The following KCNIP1 variants were observed in gnomAD, a reference collection of about 807,000 sequenced individuals.
The protein encoded by KCNIP1 is potassium voltage-gated channel interacting protein 1.
In KCNIP1, 18 loss-of-function variants were observed where a neutral mutation model predicts 33.0. The ratio of observed to expected loss-of-function variants is 0.55; its 90% CI spans 0.38 to 0.81. The LOEUF is 0.81. KCNIP1 is among the 30% of genes least tolerant of loss of function. The probability of loss-of-function intolerance (pLI) is 0.00; values close to 1 mark genes in which losing one functional copy is unlikely to be tolerated. For missense variants in KCNIP1, 238 were observed against 271.6 expected (o/e 0.88, Z 0.87); for synonymous variants, 93 against 98.3 (o/e 0.95, Z 0.32).
At chr5:170,553,848 G>A (rs549168902) in intron 1 of KCNIP1, among the ~76,000 whole-genome samples, 39 of 152,340 alleles carry the variant, frequency 2.6e-4, no homozygotes, top group African/African-American at 8.2e-4. Flanking sequence ...TTGAGTGAAC[G>A]GATGGATAGA....
intron 1 of KCNIP1, among the ~76,000 whole-genome samples, chr5:170,411,810 T>G (rs1386592887): frequency 6.6e-6 from 1 of 151,986 alleles, no homozygotes; most frequent in African/African-American, 2.4e-5. Flanking sequence ...TAAGTAACAG[T>G]GTCAATAAAC....
intron 1 of KCNIP1, among the ~76,000 whole-genome samples, chr5:170,687,305 T>C (rs1973529): frequency 0.67 from 102,132 of 151,568 alleles, 35,288 homozygotes; most frequent in East Asian, 0.94. Context: ...CCTCAGCCTC[T>C]TGAGTAGCTG....
intron 1 of KCNIP1, among the ~76,000 whole-genome samples, chr5:170,584,590 A>G (rs972274413): frequency 6.6e-6 from 1 of 152,146 alleles, no homozygotes; most frequent in Non-Finnish European, 1.5e-5. Flanking sequence ...ACCAGCTTGG[A>G]GAGTGGTTGA....
chr5:170,452,115 G>A (rs1328962382), intron 1 of KCNIP1, among the ~76,000 whole-genome samples: 2 of 152,156 alleles, frequency 1.3e-5, no homozygotes, highest in East Asian at 3.9e-4. Flanking sequence ...CGTGGTTGGT[G>A]GCATTGGGGA....
chr5:170,635,321 C>G (rs1760237280), intron 1 of KCNIP1, among the ~76,000 whole-genome samples: 1 of 152,222 alleles, frequency 6.6e-6, no homozygotes, highest in Non-Finnish European at 1.5e-5. Context: ...TGAGCCATCA[C>G]GCCCGGCCAA....
chr5:170,358,328 G>C (rs572608756), intron 1 of KCNIP1, among the ~76,000 whole-genome samples: 1 of 152,144 alleles, frequency 6.6e-6, no homozygotes, highest in Non-Finnish European at 1.5e-5. Flanking sequence ...CCCTGGAGCC[G>C]TAACTCTCCC....
intron 1 of KCNIP1, among the ~76,000 whole-genome samples, chr5:170,693,772 C>T (rs183741514): frequency 6.6e-5 from 10 of 152,330 alleles, no homozygotes; most frequent in Admixed American, 3.9e-4. Context: ...TTTACTGCAG[C>T]AGACACTTTT....
At chr5:170,472,945 C>A (rs1353468534) in intron 1 of KCNIP1, among the ~76,000 whole-genome samples, 1 of 152,080 alleles carries the variant, frequency 6.6e-6, no homozygotes, top group African/African-American at 2.4e-5. Context: ...GGGTAGATAC[C>A]CAGTAGTGGG....
chr5:170,535,640 G>A (rs1755956538), intron 1 of KCNIP1, among the ~76,000 whole-genome samples: 1 of 152,080 alleles, frequency 6.6e-6, no homozygotes, highest in South Asian at 2.1e-4. Context: ...CTGAAAACCT[G>A]CAGAAATTCT....
intron 1 of KCNIP1, among the ~76,000 whole-genome samples, chr5:170,552,780 T>C (rs981144391): frequency 1.3e-5 from 2 of 152,240 alleles, no homozygotes; most frequent in Non-Finnish European, 2.9e-5. Flanking sequence ...CAGGCTCCGA[T>C]TGATGCTTCC....
chr5:170,449,970 T>C (rs540490510), intron 1 of KCNIP1, among the ~76,000 whole-genome samples: 18 of 152,326 alleles, frequency 1.2e-4, no homozygotes, highest in Non-Finnish European at 2.4e-4. Context: ...AGGATTTGGC[T>C]GAAGGCAGCT....
rs184729920 is a variant in KCNIP1 at position 170,556,634 on chromosome 5, G to A, written c.61+52001G>A. On this transcript the variant is annotated intron_variant, in intron 1 of 7. Transcript: ENST00000328939. The stretch of plus-strand genomic sequence containing the variant: ...GAGGTGGGATGTGGCAGCTGGGCCC[G>A]GAAGCAGGCTAGAGCCAGCTGCACA... 3.8e-3 allele frequency among the ~76,000 whole-genome samples: 582 copies of A among 152,350 alleles called. 1 individual carries two copies. Among genetic ancestry groups the A allele is most frequent in the African/African-American group, 0.013 (522 of 41,586 alleles).
At chr5:170,684,130 G>T (rs982997670) in intron 1 of KCNIP1, among the ~76,000 whole-genome samples, 1 of 152,144 alleles carries the variant, frequency 6.6e-6, no homozygotes, top group Non-Finnish European at 1.5e-5. Context: ...TTGCAATTCT[G>T]GTTGTGCCAT....
intron 1 of KCNIP1, among the ~76,000 whole-genome samples, chr5:170,476,033 G>A (rs1294815485): frequency 2.6e-5 from 4 of 151,484 alleles, no homozygotes; most frequent in African/African-American, 4.9e-5. Context: ...GCAGTGGTGC[G>A]ATCTCAGCTC....
At chr5:170,408,386 C>A (rs1347634745) in intron 1 of KCNIP1, among the ~76,000 whole-genome samples, 1 of 152,104 alleles carries the variant, frequency 6.6e-6, no homozygotes, top group Non-Finnish European at 1.5e-5. Flanking sequence ...TCAGCCAGAT[C>A]CTGGTCTGTA....
chr5:170,646,450 T>G (rs759979645), intron 1 of KCNIP1, among the ~76,000 whole-genome samples: 15 of 152,168 alleles, frequency 9.9e-5, no homozygotes, highest in South Asian at 2.1e-4. Flanking sequence ...TGAAAATCAG[T>G]TAATGTAACC....
chr5:170,648,271 C>T (rs541475970), intron 1 of KCNIP1, among the ~76,000 whole-genome samples: 1 of 152,180 alleles, frequency 6.6e-6, no homozygotes, highest in Non-Finnish European at 1.5e-5. Context: ...ATCAGTCATG[C>T]CCTTTGGTAT....
intron 1 of KCNIP1, among the ~76,000 whole-genome samples, chr5:170,446,359 T>C (rs549824744): frequency 1.3e-5 from 2 of 151,980 alleles, no homozygotes; most frequent in Admixed American, 1.3e-4. Flanking sequence ...CTTTGAGAAG[T>C]CTGAGCTCAA....
chr5:170,481,545 A>G (rs1561645103), intron 1 of KCNIP1, among the ~76,000 whole-genome samples: 2 of 152,362 alleles, frequency 1.3e-5, no homozygotes, highest in Non-Finnish European at 2.9e-5. Flanking sequence ...CATTTTTCTC[A>G]ATGAGATACT....
Sources: gnomAD v4.1 joint callset for allele counts (sites outside exome capture counted in the v4.1 genomes callset) on GRCh38, gnomAD v4.1.1 for gene constraint, MANE v1.5 for transcripts, NCBI Gene and HGNC (gene_info 2026-07-23, HGNC 2026-07-21) for gene names.